Variants in CCR5AS observed in about 807,000 individuals in gnomAD.
CCR5AS encodes CCR5 antisense RNA.
intron 2 of CCR5AS, among the ~76,000 whole-genome samples, chr3:46,379,765 C>T (rs1484734188): frequency 2.6e-5 from 4 of 151,960 alleles, no homozygotes; most frequent in Admixed American, 6.6e-5. Flanking sequence ...GACGTGGTGG[C>T]GGGTGCTTGT....
At chr3:46,373,139 C>G (rs1272512740) in intron 2 of CCR5AS, 1 of 1,614,046 alleles carries the variant, frequency 6.2e-7, no homozygotes, top group Non-Finnish European at 8.5e-7. Context: ...ACCTGTTTTT[C>G]CTTCTTACTG....
At chr3:46,400,973 G>T (rs902135272) in intron 1 of CCR5AS, among the ~76,000 whole-genome samples, 2 of 152,226 alleles carry the variant, frequency 1.3e-5, no homozygotes, top group African/African-American at 2.4e-5. Context: ...TCAAGGGACA[G>T]GAGATGGTGC....
chr3:46,395,028 G>C, intron 1 of CCR5AS, among the ~76,000 whole-genome samples: 1 of 152,236 alleles, frequency 6.6e-6, no homozygotes, highest in East Asian at 1.9e-4. Flanking sequence ...CCCCTAGGTG[G>C]AGGTTTGGCA....
At chr3:46,383,099 C>T (rs1460352481) in intron 2 of CCR5AS, among the ~76,000 whole-genome samples, 1 of 152,200 alleles carries the variant, frequency 6.6e-6, no homozygotes, top group African/African-American at 2.4e-5. Context: ...GCGGGCAATC[C>T]AGCTCACTCT....
intron 1 of CCR5AS, among the ~76,000 whole-genome samples, chr3:46,399,125 T>C (rs972507731): frequency 6.6e-6 from 1 of 152,218 alleles, no homozygotes; most frequent in African/African-American, 2.4e-5. Context: ...CTATAACATT[T>C]TAACAGGTGT....
At position 46,404,365 on chromosome 3, in the gene CCR5AS, C is replaced by T. The variant is rs1293540334; in HGVS notation, n.163+2532G>A. On this transcript the variant is annotated intron_variant and non_coding_transcript_variant, in intron 1 of 3. Coordinates refer to ENST00000451485, the Ensembl canonical transcript of CCR5AS. The stretch of plus-strand genomic sequence containing the variant: ...TTTTTTTTTTTTTAAGATGGAGTCT[C>T]ACTCTGTCACCCAGGCCGGAGTGCA... Among the ~76,000 whole-genome samples, 3 of 127,118 alleles carry T rather than the reference C, an allele frequency of 2.4e-5. No homozygotes were observed. The Admixed American group carries it at 2.7e-4, about 11-fold the overall frequency. 83.4% of individuals were successfully genotyped at this position (127,118 alleles called of 152,430 possible). A position where few individuals can be genotyped will look rare whatever the true frequency, so the allele number is the denominator to read the frequency against.
At chr3:46,397,989 CCTA>C (rs996155797) in intron 1 of CCR5AS, among the ~76,000 whole-genome samples, 1 of 152,188 alleles carries the variant, frequency 6.6e-6, no homozygotes, top group Non-Finnish European at 1.5e-5. Context: ...AAGGCTGAAG[CCTA>C]TGGGGTATGT....
At chr3:46,392,242 T>C (rs1315058292) in intron 2 of CCR5AS, among the ~76,000 whole-genome samples, 1 of 152,202 alleles carries the variant, frequency 6.6e-6, no homozygotes, top group Non-Finnish European at 1.5e-5. Flanking sequence ...TACCTTCTTT[T>C]CAAGGGCCTG....
chr3:46,389,370 G>A (rs1701888784), intron 2 of CCR5AS, among the ~76,000 whole-genome samples: 1 of 152,154 alleles, frequency 6.6e-6, no homozygotes, highest in South Asian at 2.1e-4. Flanking sequence ...TAAATGACCA[G>A]GTAGGGTCCA....
intron 2 of CCR5AS, among the ~76,000 whole-genome samples, chr3:46,382,024 ATT>A (rs1187499346): frequency 6.6e-6 from 1 of 152,254 alleles, no homozygotes; most frequent in African/African-American, 2.4e-5. Context: ...CCCCAAAATC[ATT>A]TGTTTGCTAA....
chr3:46,384,886 T>C (rs1701846337), intron 2 of CCR5AS, among the ~76,000 whole-genome samples: 1 of 151,744 alleles, frequency 6.6e-6, no homozygotes, highest in East Asian at 1.9e-4. Context: ...GATAGATAGA[T>C]AGATAGATAG....
chr3:46,379,058 A>G (rs950693216), intron 2 of CCR5AS, among the ~76,000 whole-genome samples: 1 of 144,514 alleles, frequency 6.9e-6, no homozygotes, highest in Non-Finnish European at 1.5e-5. Flanking sequence ...TTTAGGGTAC[A>G]TGTGCACATT....
At chr3:46,368,984 CTA>C (rs1701628858) in intron 3 of CCR5AS, among the ~76,000 whole-genome samples, 1 of 151,904 alleles carries the variant, frequency 6.6e-6, no homozygotes, top group Admixed American at 6.6e-5. Flanking sequence ...ACAAGGCTAT[CTA>C]TCTTTCGAAA....
chr3:46,388,013 G>C (rs1274961373), intron 2 of CCR5AS, among the ~76,000 whole-genome samples: 1 of 152,172 alleles, frequency 6.6e-6, no homozygotes, highest in Admixed American at 6.5e-5. Context: ...AGTTAAGGCA[G>C]GAACTGGGTA....
At chr3:46,391,365 C>A (rs113934302) in intron 2 of CCR5AS, among the ~76,000 whole-genome samples, 29,594 of 152,130 alleles carry the variant, frequency 0.19, 3,702 homozygotes, top group African/African-American at 0.35. Flanking sequence ...TATTATTGTA[C>A]ACCTTAAGGC....
intron 1 of CCR5AS, among the ~76,000 whole-genome samples, chr3:46,398,885 A>G (rs1367653041): frequency 6.6e-6 from 1 of 152,162 alleles, no homozygotes; most frequent in Non-Finnish European, 1.5e-5. Flanking sequence ...TGGGAAACCC[A>G]GTAGGATTGG....
intron 1 of CCR5AS, among the ~76,000 whole-genome samples, chr3:46,402,090 C>CA (rs1553656899): frequency 6.6e-6 from 1 of 151,838 alleles, no homozygotes; most frequent in Non-Finnish European, 1.5e-5. Context: ...GCCTCCCATC[C>CA]TTTTTTTTAC....
chr3:46,402,573 T>C (rs781225009), intron 1 of CCR5AS, among the ~76,000 whole-genome samples: 3 of 152,228 alleles, frequency 2.0e-5, no homozygotes, highest in Non-Finnish European at 4.4e-5. Context: ...TATTTGCTAA[T>C]AAAAATTAGA....
intron 1 of CCR5AS, among the ~76,000 whole-genome samples, chr3:46,399,389 G>A (rs1316009243): frequency 6.6e-6 from 1 of 152,166 alleles, no homozygotes; most frequent in African/African-American, 2.4e-5. Context: ...CAGGCTGCAG[G>A]GTGTAGAGTA....
Sources: gnomAD v4.1 joint callset for allele counts (sites outside exome capture counted in the v4.1 genomes callset) on GRCh38, gnomAD v4.1.1 for gene constraint, MANE v1.5 for transcripts, NCBI Gene and HGNC (gene_info 2026-07-23, HGNC 2026-07-21) for gene names.